CCDC178: variants seen among roughly 807,000 people sequenced by gnomAD.
The protein encoded by CCDC178 is coiled-coil domain-containing protein 178.
CCDC178 carries 126 observed loss-of-function variants against 117.4 expected under a neutral mutation model. The observed-to-expected ratio is 1.07, with a 90% CI of 0.93 to 1.24. CCDC178 has a LOEUF of 1.24. Among genes scored for constraint, CCDC178 ranks in the 50% most tolerant of loss-of-function variants. The pLI, the probability that CCDC178 is intolerant of heterozygous loss-of-function variation, is 0.00. For missense variants in CCDC178, 1,030 were observed against 986.9 expected, an observed-to-expected ratio of 1.04 and a Z score of -0.59; for synonymous variants, 283 against 313.4, an observed-to-expected ratio of 0.90 and a Z score of 1.02.
intron 21 of CCDC178, among the ~76,000 whole-genome samples, chr18:33,088,793 T>A (rs887716079): frequency 6.6e-6 from 1 of 152,124 alleles, no homozygotes; most frequent in African/African-American, 2.4e-5. Context: ...CAGTCAAACC[T>A]ACCACAAAAA....
intron 20 of CCDC178, among the ~76,000 whole-genome samples, chr18:33,167,965 C>T (rs974004221): frequency 3.3e-5 from 5 of 151,828 alleles, no homozygotes; most frequent in Non-Finnish European, 7.4e-5. Flanking sequence ...TATTTAAGTT[C>T]CTTATAGGTT....
chr18:33,152,971 A>C (rs1455165643), intron 20 of CCDC178, among the ~76,000 whole-genome samples: 4 of 151,474 alleles, frequency 2.6e-5, no homozygotes, highest in South Asian at 2.1e-4. Context: ...ATAGGAAGGC[A>C]CTGTCGAAGA....
chr18:32,988,395 C>T (rs2055314765), intron 21 of CCDC178, among the ~76,000 whole-genome samples: 1 of 152,018 alleles, frequency 6.6e-6, no homozygotes, highest in Non-Finnish European at 1.5e-5. Flanking sequence ...GAGATCGTGC[C>T]ACTGCATGCC....
chr18:33,055,399 TGAACATGGCTCACTGTA>T (rs2056813165), intron 21 of CCDC178, among the ~76,000 whole-genome samples: 1 of 149,480 alleles, frequency 6.7e-6, no homozygotes, highest in South Asian at 2.1e-4. Flanking sequence ...TGCAGTGGCA[TGAACATGGCTCACTGTA>T]GGCCCAATCT....
chr18:33,316,249 G>C (rs567764266), intron 11 of CCDC178, among the ~76,000 whole-genome samples: 1 of 152,186 alleles, frequency 6.6e-6, no homozygotes, highest in East Asian at 1.9e-4. Flanking sequence ...GGCGGGAACC[G>C]GGGCTGCGCG....
At chr18:33,117,308 C>A (rs1318223423) in intron 20 of CCDC178, among the ~76,000 whole-genome samples, 1 of 152,074 alleles carries the variant, frequency 6.6e-6, no homozygotes, top group African/African-American at 2.4e-5. Context: ...AGCTTCTGAA[C>A]AAAATGGCCA....
At chr18:33,246,368 T>C (rs1331248539) in intron 14 of CCDC178, among the ~76,000 whole-genome samples, 1 of 151,688 alleles carries the variant, frequency 6.6e-6, no homozygotes, top group East Asian at 2.0e-4. Flanking sequence ...TTGATGACAC[T>C]TGGTTGCAGA....
At chr18:33,202,955 T>C (rs1285855568) in intron 20 of CCDC178, among the ~76,000 whole-genome samples, 1 of 152,236 alleles carries the variant, frequency 6.6e-6, no homozygotes, top group Non-Finnish European at 1.5e-5. Flanking sequence ...ATAGGACATA[T>C]TTTTAATGTT....
chr18:33,288,799 G>T (rs2060132991), intron 12 of CCDC178, among the ~76,000 whole-genome samples: 1 of 152,114 alleles, frequency 6.6e-6, no homozygotes. Flanking sequence ...AGGACTGAGA[G>T]AATGAACAGT....
intron 20 of CCDC178, among the ~76,000 whole-genome samples, chr18:33,103,861 G>A (rs1213595734): frequency 6.6e-6 from 1 of 151,734 alleles, no homozygotes; most frequent in Non-Finnish European, 1.5e-5. Context: ...GGCAGCATAG[G>A]TGTCCATTCA....
chr18:33,146,480 C>T (rs1430289707), intron 20 of CCDC178, among the ~76,000 whole-genome samples: 2 of 152,234 alleles, frequency 1.3e-5, no homozygotes, highest in African/African-American at 4.8e-5. Context: ...CATGGGCAGA[C>T]CTTGTTTCTG....
chr18:33,250,611 TCTGA>T (rs1395532115), intron 14 of CCDC178, among the ~76,000 whole-genome samples: 2 of 151,744 alleles, frequency 1.3e-5, no homozygotes, highest in African/African-American at 2.4e-5. Flanking sequence ...AGTCAATGTC[TCTGA>T]CTATGTATTT....
chr18:33,165,196 C>CA (rs368725334), intron 20 of CCDC178, among the ~76,000 whole-genome samples: 152 of 150,024 alleles, frequency 1.0e-3, no homozygotes, highest in African/African-American at 2.9e-3. Flanking sequence ...AAAACAAAGA[C>CA]AAAAAAAAAC....
intron 15 of CCDC178, among the ~76,000 whole-genome samples, chr18:33,230,897 C>T (rs558511117): frequency 6.6e-6 from 1 of 152,140 alleles, no homozygotes; most frequent in African/African-American, 2.4e-5. Context: ...TTGTGCTAAA[C>T]GTTCAAGTTC....
intron 21 of CCDC178, among the ~76,000 whole-genome samples, chr18:33,004,808 T>G (rs2055715157): frequency 6.6e-6 from 1 of 152,044 alleles, no homozygotes; most frequent in African/African-American, 2.4e-5. Context: ...GCAAAAGATC[T>G]GAATAGGCAT....
chr18:33,392,532 G>A (rs1462124510), intron 4 of CCDC178, among the ~76,000 whole-genome samples: 1 of 152,128 alleles, frequency 6.6e-6, no homozygotes, highest in Admixed American at 6.6e-5. Context: ...TATGTCCAGA[G>A]TATTAAAAGA....
intron 22 of CCDC178, among the ~76,000 whole-genome samples, chr18:32,942,723 G>T (rs940026054): frequency 1.3e-5 from 2 of 151,876 alleles, no homozygotes; most frequent in African/African-American, 4.8e-5. Context: ...ATCTCCCAAA[G>T]CATTTTGACT....
chr18:33,423,367 A>T (rs1445870350), intron 2 of CCDC178, among the ~76,000 whole-genome samples: 2 of 152,120 alleles, frequency 1.3e-5, no homozygotes, highest in African/African-American at 2.4e-5. Flanking sequence ...AGTATACTGT[A>T]AAAAAATTCG....
At chr18:33,413,277 C>A (rs541913846) in intron 2 of CCDC178, among the ~76,000 whole-genome samples, 2 of 152,130 alleles carry the variant, frequency 1.3e-5, no homozygotes, top group East Asian at 3.9e-4. Context: ...TAAATCCAAG[C>A]CTAGTGCTCT....
Sources: gnomAD v4.1 joint callset for allele counts (sites outside exome capture counted in the v4.1 genomes callset) on GRCh38, gnomAD v4.1.1 for gene constraint, MANE v1.5 for transcripts, NCBI Gene and HGNC (gene_info 2026-07-23, HGNC 2026-07-21) for gene names.